The following STON1 variants were observed in gnomAD, a reference collection of about 807,000 sequenced individuals.
STON1 encodes stonin-1.
In STON1, 79 loss-of-function variants were observed where a neutral mutation model predicts 60.9. The observed-to-expected ratio is 1.30, with a 90% CI of 1.08 to 1.56. The LOEUF is 1.56. Ranked by LOEUF, STON1 falls within the 40% of genes most tolerant of loss-of-function variation. The pLI is 0.00. For synonymous variants in STON1, 363 were observed against 306.9 expected (o/e 1.18, Z -1.91); for missense variants, 1,166 against 858.9 (o/e 1.36, Z -4.47).
rs201096468 is a variant in STON1 at position 48,591,878 on chromosome 2, C to T, written c.2133+23C>T. 119 of 1,610,442 alleles carry T rather than the reference C, an allele frequency of 7.4e-5. No individual in the cohort carries two copies. The East Asian group carries it at 2.7e-3, about 36-fold the overall frequency. ...CAGGTACATCCCAAAACTTCTAGAA[C>T]TGTGACCTGATTTGGCTTTAAATAT... On this transcript the variant is annotated intron_variant, in intron 3 of 3. Coordinates refer to ENST00000404752, the MANE Select transcript of STON1 (RefSeq NM_006873.4).
intron 1 of STON1, chr2:48,568,907 T>A (rs1443347818): frequency 6.6e-6 from 1 of 152,184 alleles, no homozygotes; most frequent in Admixed American, 6.5e-5. Context: ...GAAGTGGTGG[T>A]GGCTCTACCC....
Position 48,580,741 on chromosome 2 carries a change from A to G in STON1, c.108A>G (p.Arg36=). 2 of 1,539,984 alleles carry G rather than the reference A, an allele frequency of 1.3e-6. No homozygotes were observed. Among genetic ancestry groups the G allele is most frequent in the Non-Finnish European group, 1.7e-6 (2 of 1,144,104 alleles). The change falls in exon 2 of 4, where the codon AGA becomes AGG. Residue 36 remains arginine, a synonymous_variant. Transcript: ENST00000404752. ...NFPLENQGVC[R]PNGLKLNLPG... ...CTCTGGAGAATCAAGGTGTCTGTAG[A>G]CCAAATGGACTGAAGCTGAACCTTC...
At chr2:48,593,121 T>C (rs1674617952) in intron 3 of STON1, among the ~76,000 whole-genome samples, 1 of 152,036 alleles carries the variant, frequency 6.6e-6, no homozygotes, top group Non-Finnish European at 1.5e-5. Flanking sequence ...GTTTAAAAGG[T>C]TTTCTTTATT....
intron 1 of STON1, among the ~76,000 whole-genome samples, chr2:48,576,270 A>T (rs1169775101): frequency 1.6e-5 from 2 of 128,274 alleles, no homozygotes; most frequent in East Asian, 2.4e-4. Flanking sequence ...GCTCACTGCA[A>T]CCTCTGCCTC....
chr2:48,560,876 T>C (rs1212724829), intron 1 of STON1, among the ~76,000 whole-genome samples: 1 of 152,132 alleles, frequency 6.6e-6, no homozygotes, highest in Non-Finnish European at 1.5e-5. Context: ...CCTCACTTTA[T>C]CCCCACCCAC....
chr2:48,565,037 G>A (rs537754685), intron 1 of STON1, among the ~76,000 whole-genome samples: 213 of 133,734 alleles, frequency 1.6e-3, no homozygotes, highest in African/African-American at 5.6e-3. Context: ...CTGGCCCTCC[G>A]GCTTCTTCTT....
At chr2:48,556,222 C>T (rs1486467505) in intron 1 of STON1, among the ~76,000 whole-genome samples, 46 of 33,870 alleles carry the variant, frequency 1.4e-3, no homozygotes, top group African/African-American at 3.4e-3. Flanking sequence ...GGGGGGCTGA[C>T]CCCCCCACCT....
At chr2:48,546,614 C>A (rs1194363527) in intron 1 of STON1, among the ~76,000 whole-genome samples, 1 of 152,206 alleles carries the variant, frequency 6.6e-6, no homozygotes, top group Non-Finnish European at 1.5e-5. Context: ...TCAGAATTGT[C>A]TCCTAGACAG....
chr2:48,537,541 G>C (rs1451276077), intron 1 of STON1, among the ~76,000 whole-genome samples: 3 of 152,078 alleles, frequency 2.0e-5, no homozygotes, highest in African/African-American at 4.8e-5. Flanking sequence ...AGTTGTTCTA[G>C]AATTTTCTTT....
chr2:48,547,774 G>A (rs142039303), intron 1 of STON1, among the ~76,000 whole-genome samples: 102 of 152,262 alleles, frequency 6.7e-4, no homozygotes, highest in Middle Eastern at 3.4e-3. Context: ...GTTAATTTGC[G>A]GTTAATAGGA....
Position 48,597,388 on chromosome 2 carries a change from A to G in STON1, c.*2086A>G, listed in dbSNP as rs1212222590. 4 of 152,258 alleles carry G rather than the reference A, an allele frequency of 2.6e-5. No homozygotes were observed. Among genetic ancestry groups the G allele is most frequent in the Non-Finnish European group, 5.9e-5 (4 of 68,080 alleles). The allele number at this position is 152,258 out of a possible 1,614,324, so 9.4% of individuals were successfully genotyped here. On this transcript the variant is annotated 3_prime_UTR_variant, in exon 4 of 4. Transcript: ENST00000404752. ...AGTCCCAGTGAAGTTAGGTGGGTTA[A>G]TTACTGCCATTCCTTTCTAAGTGTG...
chr2:48,577,474 A>G (rs891851313), intron 1 of STON1, among the ~76,000 whole-genome samples: 2 of 151,416 alleles, frequency 1.3e-5, no homozygotes, highest in African/African-American at 2.4e-5. Context: ...CCAGCTACTC[A>G]GGAGGCTGAG....
intron 1 of STON1, among the ~76,000 whole-genome samples, chr2:48,560,450 T>C (rs1170325289): frequency 6.6e-6 from 1 of 152,198 alleles, no homozygotes; most frequent in Non-Finnish European, 1.5e-5. Flanking sequence ...TGCCCTGCTC[T>C]TTCCACTGAA....
intron 2 of STON1, among the ~76,000 whole-genome samples, chr2:48,585,270 T>G (rs905627509): frequency 1.3e-5 from 2 of 151,904 alleles, no homozygotes; most frequent in African/African-American, 4.8e-5. Context: ...TTTTTTGGGA[T>G]GGAGTGTTGC....
At chr2:48,579,538 CTATTAT>C (rs563526413) in intron 1 of STON1, among the ~76,000 whole-genome samples, 111 of 152,130 alleles carry the variant, frequency 7.3e-4, no homozygotes, top group African/African-American at 2.6e-3. Flanking sequence ...AGTTTTCCTT[CTATTAT>C]TAATTTCTAG....
intron 2 of STON1, among the ~76,000 whole-genome samples, chr2:48,584,455 AC>A (rs1259722007): frequency 6.6e-6 from 1 of 151,730 alleles, no homozygotes; most frequent in Non-Finnish European, 1.5e-5. Flanking sequence ...TTTAGTAGAG[AC>A]GGGGTTTTCC....
At position 48,597,644 on chromosome 2, in the gene STON1, A is replaced by G. The variant is rs1400241503; in HGVS notation, c.*2342A>G. 6.5e-6 allele frequency: 1 copy of G among 152,678 alleles called. No homozygotes were observed. Among genetic ancestry groups the G allele is most frequent in the Non-Finnish European group, 1.5e-5 (1 of 68,056 alleles). The allele number at this position is 152,678 out of a possible 1,614,324, so 9.5% of individuals were successfully genotyped here. On this transcript the variant is annotated 3_prime_UTR_variant, in exon 4 of 4. Coordinates refer to ENST00000404752, the MANE Select transcript of STON1 (RefSeq NM_006873.4). ...ACAATATAATAGCAAAAGCTGGACT[A>G]AAGCCCAAATGGATTGTCTGTGGCA... is the stretch of plus-strand genomic sequence containing the variant.
chr2:48,545,779 C>G (rs28411246), intron 1 of STON1, among the ~76,000 whole-genome samples: 2,937 of 152,330 alleles, frequency 0.019, 94 homozygotes, highest in African/African-American at 0.065. Flanking sequence ...TTCTCTACCT[C>G]CACCCCTTTG....
intron 1 of STON1, chr2:48,531,980 G>A (rs1426216633): frequency 2.0e-5 from 3 of 152,104 alleles, no homozygotes; most frequent in Non-Finnish European, 2.9e-5. Context: ...CTCCACTGAT[G>A]CAGTTTGACA....
Sources: allele counts gnomAD v4.1 joint callset (sites outside exome capture counted in the v4.1 genomes callset), GRCh38; gene constraint gnomAD v4.1.1; transcripts MANE v1.5; gene names NCBI Gene and HGNC (gene_info 2026-07-23, HGNC 2026-07-21).